The following HIVEP1 variants were observed in gnomAD, a reference collection of about 807,000 sequenced individuals.
HIVEP1 encodes zinc finger protein 40.
In HIVEP1, 36 loss-of-function variants were observed where a neutral mutation model predicts 180.0. That is an observed-to-expected ratio of 0.20 (90% CI 0.15 to 0.26). The LOEUF is 0.26. Among genes scored for constraint, HIVEP1 ranks in the 10% least tolerant of loss-of-function variants. The pLI, the probability that HIVEP1 is intolerant of heterozygous loss-of-function variation, is 1.00. For missense variants in HIVEP1, 3,143 were observed against 3,268.7 expected, an observed-to-expected ratio of 0.96 and a Z score of 0.94; for synonymous variants, 1,239 against 1,239.0, an observed-to-expected ratio of 1.00 and a Z score of 0.00.
chr6:12,076,575 A>G (rs1372544300), intron 2 of HIVEP1, among the ~76,000 whole-genome samples: 1 of 152,180 alleles, frequency 6.6e-6, no homozygotes, highest in Non-Finnish European at 1.5e-5. Context: ...GAAGGTTAAG[A>G]GAAGGACAAA....
At chr6:12,127,549 A>G (rs1398527563) in intron 4 of HIVEP1, among the ~76,000 whole-genome samples, 1 of 152,204 alleles carries the variant, frequency 6.6e-6, no homozygotes, top group Non-Finnish European at 1.5e-5. Context: ...AGCTTAGGAG[A>G]GAGCTCTGGA....
chr6:12,134,441 A>C (rs1287587216), intron 6 of HIVEP1, among the ~76,000 whole-genome samples: 1 of 152,310 alleles, frequency 6.6e-6, no homozygotes. Context: ...ATCAGCTTGT[A>C]CAGGGATGAC....
chr6:12,047,328 A>G (rs1045385825), intron 2 of HIVEP1, among the ~76,000 whole-genome samples: 2 of 152,246 alleles, frequency 1.3e-5, no homozygotes, highest in Non-Finnish European at 2.9e-5. Flanking sequence ...CATGAGCATT[A>G]AAAGACCATG....
At chr6:12,083,679 A>G (rs529879135) in intron 2 of HIVEP1, among the ~76,000 whole-genome samples, 36 of 152,288 alleles carry the variant, frequency 2.4e-4, no homozygotes, top group African/African-American at 8.7e-4. Flanking sequence ...TTAGGATAAC[A>G]CTTGGTTAGT....
chr6:12,125,700 A>C lies in HIVEP1; in HGVS notation c.5905A>C (p.Thr1969Pro), dbSNP rs1180562516. ...DQKTSAYTDWTVSASNPNPLG... is the reference protein window; with the variant it reads ...DQKTSAYTDWPVSASNPNPLG... ...GAAAACTTCAGCCTATACTGATTGGACAGTAAGCGCCAGTAATCCAAATCC... is the reference window on the plus strand; with the variant it reads ...GAAAACTTCAGCCTATACTGATTGGCCAGTAAGCGCCAGTAATCCAAATCC... Residue 1969 changes from threonine to proline, a missense_variant, in exon 4 of 9, where the codon ACA (threonine) becomes CCA (proline). This residue lies in a region of HIVEP1 where 1,357 missense variants were observed against 1,260.5 expected (regional missense o/e 1.08). Coordinates refer to ENST00000379388, the MANE Select transcript of HIVEP1 (RefSeq NM_002114.4). 3.1e-6 allele frequency: 5 copies of C among 1,614,074 alleles called. No individual in the cohort carries two copies. Among genetic ancestry groups the C allele is most frequent in the Non-Finnish European group, 4.2e-6 (5 of 1,180,044 alleles).
intron 3 of HIVEP1, among the ~76,000 whole-genome samples, chr6:12,104,592 T>TTTTTTG (rs201727742): frequency 0.01 from 1,546 of 151,876 alleles, 27 homozygotes; most frequent in African/African-American, 0.035. Flanking sequence ...ATTATATTTG[T>TTTTTTG]TTTTTGTTTT....
upstream of HIVEP1, chr6:12,007,999 A>G (rs993001717): frequency 2.0e-5 from 3 of 151,992 alleles, no homozygotes; most frequent in Non-Finnish European, 4.4e-5. Flanking sequence ...GGTAAGGCTG[A>G]TTGCTAGACA....
intron 3 of HIVEP1, among the ~76,000 whole-genome samples, chr6:12,110,635 G>T (rs1286915001): frequency 1.3e-5 from 2 of 152,198 alleles, no homozygotes; most frequent in African/African-American, 4.8e-5. Context: ...TTAGGCTTTG[G>T]CTTAAGGGAT....
chr6:12,110,425 C>T (rs1233986418), intron 3 of HIVEP1, among the ~76,000 whole-genome samples: 1 of 152,244 alleles, frequency 6.6e-6, no homozygotes, highest in African/African-American at 2.4e-5. Flanking sequence ...CCTCAGTTAT[C>T]TTAGCAAAAT....
intron 2 of HIVEP1, among the ~76,000 whole-genome samples, chr6:12,055,131 G>C (rs1020936963): frequency 8.5e-5 from 13 of 152,170 alleles, no homozygotes; most frequent in African/African-American, 3.1e-4. Context: ...TAAAGTTATA[G>C]TATGTTTTTA....
chr6:12,012,622 A>AGG (rs1163479157), intron 1 of HIVEP1, 56 bp downstream of exon 1: 1,090 of 91,772 alleles, frequency 0.012, 42 homozygotes, highest in African/African-American at 0.053. Context: ...GGCGGGGCGG[A>AGG]GGGGGGGGGG....
intron 3 of HIVEP1, among the ~76,000 whole-genome samples, chr6:12,107,313 G>T (rs1478904452): frequency 1.3e-5 from 2 of 152,188 alleles, no homozygotes; most frequent in African/African-American, 4.8e-5. Flanking sequence ...AAAACAATGA[G>T]AATACCTTAA....
At chr6:12,050,314 G>A (rs901804630) in intron 2 of HIVEP1, among the ~76,000 whole-genome samples, 31 of 152,176 alleles carry the variant, frequency 2.0e-4, no homozygotes, top group Non-Finnish European at 3.2e-4. Context: ...GGCCGGGTGC[G>A]CTGGCTCACG....
chr6:12,162,526 C>CTGTGAG (rs1422923335), intron 8 of HIVEP1, among the ~76,000 whole-genome samples: 1 of 152,218 alleles, frequency 6.6e-6, no homozygotes, highest in Non-Finnish European at 1.5e-5. Flanking sequence ...AAAAGTCACG[C>CTGTGAG]TCCATGTGCT....
At chr6:12,099,088 T>C (rs1449261438) in intron 3 of HIVEP1, among the ~76,000 whole-genome samples, 3 of 152,108 alleles carry the variant, frequency 2.0e-5, no homozygotes, top group African/African-American at 7.2e-5. Context: ...TGGCCTGATC[T>C]GCGGTGGGAG....
At chr6:12,146,567 A>G (rs1343753408) in intron 7 of HIVEP1, among the ~76,000 whole-genome samples, 1 of 152,170 alleles carries the variant, frequency 6.6e-6, no homozygotes, top group African/African-American at 2.4e-5. Context: ...TATATGGCCA[A>G]GGTCAGTATA....
intron 4 of HIVEP1, 150 bp downstream of exon 4, chr6:12,126,020 TTTA>T: frequency 1.6e-6 from 1 of 606,744 alleles, no homozygotes; most frequent in Non-Finnish European, 2.9e-6. Flanking sequence ...GGGTGATATA[TTTA>T]CCCCAGGAGT....
rs759113633 is a variant in HIVEP1 at position 12,163,573 on chromosome 6, A to G, written c.7269A>G (p.Pro2423=). 6.2e-7 allele frequency: 1 copy of G among 1,614,220 alleles called. No homozygotes were observed. The highest frequency in any genetic ancestry group is 1.1e-5 in the South Asian group (1 of 91,088). Reference sequence around the variant, plus strand: ...CGTTTGTGCCCCTTCAGGCTGGACCAGTGCAGCTCACGATCCCTGCTGTCA... The same window carrying G: ...CGTTTGTGCCCCTTCAGGCTGGACCGGTGCAGCTCACGATCCCTGCTGTCA... The part of the protein sequence containing the change: ...YSTFVPLQAG[P]VQLTIPAVSV... Residue 2423 remains proline (P), a synonymous_variant, in exon 9 of 9, where the codon CCA becomes CCG. Coordinates refer to ENST00000379388, the MANE Select transcript of HIVEP1 (RefSeq NM_002114.4).
At chr6:12,012,143 G>T, upstream of HIVEP1, 1 of 104,570 alleles carries the variant, frequency 9.6e-6, no homozygotes, top group South Asian at 3.2e-4. Flanking sequence ...CCCCCAGCCC[G>T]GCTGCCCGGC....
Sources: allele counts gnomAD v4.1 joint callset (sites outside exome capture counted in the v4.1 genomes callset), GRCh38; gene constraint gnomAD v4.1.1; regional missense constraint gnomAD v4.1.1; transcripts MANE v1.5; gene names NCBI Gene and HGNC (gene_info 2026-07-23, HGNC 2026-07-21).